The following TMTC1 variants were observed in gnomAD, a reference collection of about 807,000 sequenced individuals.
The protein encoded by TMTC1 is protein O-mannosyl-transferase TMTC1.
TMTC1 carries 73 observed loss-of-function variants against 104.8 expected under a neutral mutation model. The observed-to-expected ratio is 0.70, with a 90% confidence interval of 0.58 to 0.85. The LOEUF is 0.85. TMTC1 is among the 40% of genes least tolerant of loss of function. The pLI, the probability that TMTC1 is intolerant of heterozygous loss-of-function variation, is 0.00. For missense variants in TMTC1, 1,035 were observed against 1,096.1 expected (o/e 0.94, Z 0.79); for synonymous variants, 434 against 428.7 (o/e 1.01, Z -0.15).
At chr12:29,653,719 A>C (rs1939628274) in intron 5 of TMTC1, among the ~76,000 whole-genome samples, 1 of 152,196 alleles carries the variant, frequency 6.6e-6, no homozygotes, top group Admixed American at 6.5e-5. Context: ...TAAAAAGGAA[A>C]GTTAAAAGAT....
intron 4 of TMTC1, among the ~76,000 whole-genome samples, chr12:29,752,963 T>C (rs1224432161): frequency 6.6e-6 from 1 of 152,174 alleles, no homozygotes; most frequent in African/African-American, 2.4e-5. Context: ...AGAAAGATAA[T>C]TTTCAGGAGC....
intron 5 of TMTC1, among the ~76,000 whole-genome samples, chr12:29,648,801 C>A (rs1222175867): frequency 6.6e-6 from 1 of 151,790 alleles, no homozygotes; most frequent in Non-Finnish European, 1.5e-5. Context: ...ATGAATATAC[C>A]CAAAATATTA....
At chr12:29,652,421 C>T (rs10843465) in intron 5 of TMTC1, among the ~76,000 whole-genome samples, 43,753 of 152,078 alleles carry the variant, frequency 0.29, 6,438 homozygotes, top group African/African-American at 0.34. Flanking sequence ...AGAGTTACCG[C>T]CTCTATACCA....
chr12:29,750,051 A>G (rs1026715750), intron 5 of TMTC1, among the ~76,000 whole-genome samples: 2 of 134,706 alleles, frequency 1.5e-5, no homozygotes, highest in Non-Finnish European at 3.2e-5. Context: ...AAATGTTATC[A>G]TAACTGTCTA....
chr12:29,688,412 A>G (rs1941163008), intron 5 of TMTC1, among the ~76,000 whole-genome samples: 1 of 152,152 alleles, frequency 6.6e-6, no homozygotes, highest in Admixed American at 6.5e-5. Context: ...ATCCTATGCA[A>G]CTCCCAGAAA....
At chr12:29,617,281 T>C (rs1206846884) in intron 6 of TMTC1, among the ~76,000 whole-genome samples, 1 of 152,068 alleles carries the variant, frequency 6.6e-6, no homozygotes, top group Non-Finnish European at 1.5e-5. Context: ...CACCCCAGTT[T>C]ACGTGCTTTG....
chr12:29,743,126 T>A (rs2136949352), intron 5 of TMTC1, among the ~76,000 whole-genome samples: 1 of 152,308 alleles, frequency 6.6e-6, no homozygotes, highest in South Asian at 2.1e-4. Context: ...TCTCATGGGA[T>A]AGGTATTAGT....
chr12:29,761,724 G>A (rs999011319), intron 2 of TMTC1, among the ~76,000 whole-genome samples: 1 of 152,094 alleles, frequency 6.6e-6, no homozygotes, highest in African/African-American at 2.4e-5. Flanking sequence ...TGACATTTCA[G>A]GCACAGGAAT....
At chr12:29,737,770 T>C (rs562533628) in intron 5 of TMTC1, among the ~76,000 whole-genome samples, 3 of 152,282 alleles carry the variant, frequency 2.0e-5, no homozygotes, top group East Asian at 1.9e-4. Flanking sequence ...GCTGAGCGAA[T>C]GATATGAGCT....
intron 5 of TMTC1, among the ~76,000 whole-genome samples, chr12:29,720,597 A>C (rs1942209906): frequency 6.6e-6 from 1 of 151,530 alleles, no homozygotes; most frequent in South Asian, 2.1e-4. Context: ...AATTAGACTT[A>C]ATTAAATTAT....
intron 8 of TMTC1, among the ~76,000 whole-genome samples, chr12:29,576,984 T>C (rs923051289): frequency 1.3e-5 from 2 of 152,166 alleles, no homozygotes; most frequent in Non-Finnish European, 2.9e-5. Context: ...TCTATTTTAT[T>C]TTCTGTCTGA....
chr12:29,671,264 C>T (rs575232325), intron 5 of TMTC1, among the ~76,000 whole-genome samples: 1 of 151,490 alleles, frequency 6.6e-6, no homozygotes, highest in African/African-American at 2.4e-5. Flanking sequence ...TGCACCACTG[C>T]ACTCCAGCCT....
At chr12:29,736,767 T>C (rs762897585) in intron 5 of TMTC1, among the ~76,000 whole-genome samples, 2 of 152,228 alleles carry the variant, frequency 1.3e-5, no homozygotes, top group Non-Finnish European at 2.9e-5. Context: ...GACTCACTAG[T>C]GCGCCACCAT....
At chr12:29,772,563 AG>A (rs1230293412) in intron 1 of TMTC1, among the ~76,000 whole-genome samples, 1 of 152,208 alleles carries the variant, frequency 6.6e-6, no homozygotes, top group African/African-American at 2.4e-5. Context: ...ACTCACTCTA[AG>A]ATCAGCCTGA....
At chr12:29,566,146 C>G (rs548719394) in intron 9 of TMTC1, among the ~76,000 whole-genome samples, 2 of 151,818 alleles carry the variant, frequency 1.3e-5, no homozygotes, top group Non-Finnish European at 1.5e-5. Context: ...ATGGAGAAGC[C>G]GATGACACAT....
chr12:29,538,060 T>C (rs1405801633), intron 10 of TMTC1, among the ~76,000 whole-genome samples: 1 of 152,192 alleles, frequency 6.6e-6, no homozygotes, highest in Non-Finnish European at 1.5e-5. Flanking sequence ...TAATGGGCTC[T>C]TGTTCATGCA....
At chr12:29,515,112 A>G (rs1943947496) in intron 15 of TMTC1, among the ~76,000 whole-genome samples, 1 of 152,196 alleles carries the variant, frequency 6.6e-6, no homozygotes, top group South Asian at 2.1e-4. Context: ...CCACGTATCG[A>G]TGAGTGGCAA....
intron 11 of TMTC1, among the ~76,000 whole-genome samples, chr12:29,523,172 C>T (rs1235629730): frequency 6.6e-6 from 1 of 152,150 alleles, no homozygotes; most frequent in Non-Finnish European, 1.5e-5. Flanking sequence ...ATTTCACGAA[C>T]ACCATTGTTA....
At chr12:29,761,061 TTA>T (rs1257669153) in intron 2 of TMTC1, among the ~76,000 whole-genome samples, 22 of 147,966 alleles carry the variant, frequency 1.5e-4, no homozygotes, top group African/African-American at 2.7e-4. Flanking sequence ...TTAATAAGTA[TTA>T]TATGTTTATA....
Sources: gnomAD v4.1 joint callset for allele counts (sites outside exome capture counted in the v4.1 genomes callset) on GRCh38, gnomAD v4.1.1 for gene constraint, MANE v1.5 for transcripts, NCBI Gene and HGNC (gene_info 2026-07-23, HGNC 2026-07-21) for gene names.